SORBS2: variants seen among roughly 807,000 people sequenced by gnomAD.
The protein encoded by SORBS2 is sorbin and SH3 domain containing 2.
Under a neutral mutation model 97.7 loss-of-function variants are expected in SORBS2, and 46 were observed. The ratio of observed to expected loss-of-function variants is 0.47; its 90% CI spans 0.37 to 0.60. SORBS2 has a LOEUF of 0.60. Ranked by LOEUF, SORBS2 falls within the 20% of genes least tolerant of loss-of-function variation. The pLI, the probability that SORBS2 is intolerant of heterozygous loss-of-function variation, is 0.00. For synonymous variants in SORBS2, 476 were observed against 473.4 expected (o/e 1.01, Z -0.07); for missense variants, 1,316 against 1,282.3 (o/e 1.03, Z -0.40).
intron 2 of SORBS2, among the ~76,000 whole-genome samples, chr4:185,742,085 G>C (rs1226353666): frequency 6.6e-6 from 1 of 152,142 alleles, no homozygotes. Context: ...TGTCTCTCTG[G>C]CTTGTTTTCT....
chr4:185,876,078 A>G (rs748215414), intron 1 of SORBS2, among the ~76,000 whole-genome samples: 39 of 152,034 alleles, frequency 2.6e-4, no homozygotes, highest in Non-Finnish European at 4.7e-4. Context: ...CTATTGCAGA[A>G]TACTAGAAGA....
At position 185,666,241 on chromosome 4, in the gene SORBS2, A is replaced by T. The variant is rs889176023; in HGVS notation, c.-45-3999T>A. On this transcript the variant is annotated intron_variant, in intron 4 of 20. Coordinates refer to the SORBS2 transcript ENST00000284776. ...AGGAAAAAATAATAAGAGATAAATTATCCAATTAACAAAAGTACCTCTTTT... is the reference window on the plus strand; with the variant it reads ...AGGAAAAAATAATAAGAGATAAATTTTCCAATTAACAAAAGTACCTCTTTT... 5 of 1,107,682 alleles carry T rather than the reference A, an allele frequency of 4.5e-6. No individual in the cohort carries two copies. In the African/African-American group the frequency reaches 8.1e-5, roughly 18 times the overall value. 68.6% of individuals were successfully genotyped at this position (1,107,682 alleles called of 1,614,324 possible).
At chr4:185,617,059 AT>A (rs1364888496) in intron 9 of SORBS2, among the ~76,000 whole-genome samples, 1 of 152,146 alleles carries the variant, frequency 6.6e-6, no homozygotes, top group East Asian at 1.9e-4. Context: ...GCTTTTTAAA[AT>A]TAAGACTTCT....
upstream of SORBS2, among the ~76,000 whole-genome samples, chr4:185,659,666 C>A (rs1463329697): frequency 1.3e-5 from 2 of 152,116 alleles, no homozygotes; most frequent in Non-Finnish European, 2.9e-5. Flanking sequence ...CGTGATCCAC[C>A]CGCCTCGGCC....
At chr4:185,634,065 C>T (rs1011650322) in intron 4 of SORBS2, among the ~76,000 whole-genome samples, 1 of 152,026 alleles carries the variant, frequency 6.6e-6, no homozygotes. Context: ...AAAATGTAAG[C>T]CTTTAGAAAT....
chr4:185,658,935 T>C (rs1048486314), upstream of SORBS2, among the ~76,000 whole-genome samples: 2 of 152,092 alleles, frequency 1.3e-5, no homozygotes, highest in Non-Finnish European at 2.9e-5. Flanking sequence ...CCTGATCTCC[T>C]GACCTCATGA....
intron 2 of SORBS2, among the ~76,000 whole-genome samples, chr4:185,742,293 C>A (rs2098732297): frequency 6.6e-6 from 1 of 152,218 alleles, no homozygotes; most frequent in Non-Finnish European, 1.5e-5. Flanking sequence ...TAAACATATG[C>A]ACCCAGGAGC....
intron 2 of SORBS2, among the ~76,000 whole-genome samples, chr4:185,751,895 G>A (rs142894767): frequency 7.9e-5 from 12 of 152,310 alleles, no homozygotes; most frequent in African/African-American, 2.9e-4. Context: ...ATCTAGGATA[G>A]TGGTGCTCAA....
At chr4:185,587,041 G>A (rs1274866968) in exon 15 of SORBS2, 1 of 152,584 alleles carries the variant, frequency 6.6e-6, no homozygotes, top group Non-Finnish European at 1.5e-5. Flanking sequence ...GCCTCCTCTT[G>A]CTTTAAAGGT....
rs908062501 is a variant in SORBS2 at position 185,606,603 on chromosome 4, T to A, written c.2796+5177A>T. On this transcript the variant is annotated intron_variant, in intron 12 of 14. Transcript: ENST00000418609. The surrounding 1 kb of genome is among the most constrained non-coding windows in gnomAD (Gnocchi z 4.3). ...AAAATACCTCATTACTGGGTTTTGC[T>A]GCATTGCTGTCCTCCTTGGGGGTCC... 9.5e-5 allele frequency: 94 copies of A among 985,292 alleles called. No individual in the cohort carries two copies. The highest frequency in any genetic ancestry group is 1.0e-4 in the Non-Finnish European group (84 of 829,924). The allele number at this position is 985,292 out of a possible 1,614,324, so 61.0% of individuals were successfully genotyped here. A position where few individuals can be genotyped will look rare whatever the true frequency, so the allele number is the denominator to read the frequency against.
intron 1 of SORBS2, among the ~76,000 whole-genome samples, chr4:185,856,081 A>G (rs534011040): frequency 2.6e-5 from 4 of 152,334 alleles, no homozygotes; most frequent in East Asian, 3.9e-4. Context: ...TATGATTCAA[A>G]CAAACACAGG....
At chr4:185,603,521 T>A (rs2096325039) in intron 12 of SORBS2, among the ~76,000 whole-genome samples, 1 of 152,208 alleles carries the variant, frequency 6.6e-6, no homozygotes, top group Non-Finnish European at 1.5e-5. Flanking sequence ...TGAGATTGTA[T>A]AAATGGCACT....
intron 1 of SORBS2, among the ~76,000 whole-genome samples, chr4:185,654,424 A>G (rs2097362906): frequency 6.6e-6 from 1 of 152,230 alleles, no homozygotes; most frequent in South Asian, 2.1e-4. Flanking sequence ...GCAACAAGGA[A>G]GCCTACTAAG....
At chr4:185,735,401 C>T (rs2098677595) in intron 2 of SORBS2, among the ~76,000 whole-genome samples, 1 of 138,962 alleles carries the variant, frequency 7.2e-6, no homozygotes, top group South Asian at 2.3e-4. Context: ...TGCTTCTTGG[C>T]AGAATATTAT....
chr4:185,622,047 G>T (rs2096727876), intron 7 of SORBS2, among the ~76,000 whole-genome samples: 1 of 152,186 alleles, frequency 6.6e-6, no homozygotes, highest in Non-Finnish European at 1.5e-5. Flanking sequence ...GAACAGATGT[G>T]CTGTAAGAAT....
chr4:185,946,439 C>T (rs957698435), intron 1 of SORBS2, among the ~76,000 whole-genome samples: 1 of 152,156 alleles, frequency 6.6e-6, no homozygotes, highest in Non-Finnish European at 1.5e-5. Context: ...GTAAGTTTAG[C>T]ATCTGTAAGA....
At chr4:185,899,079 G>C (rs1476608506) in intron 1 of SORBS2, among the ~76,000 whole-genome samples, 2 of 152,148 alleles carry the variant, frequency 1.3e-5, no homozygotes, top group Admixed American at 1.3e-4. Flanking sequence ...AGAGCAGCCT[G>C]ATCTGGAACA....
Position 185,701,352 on chromosome 4 carries a change from C to T in SORBS2, c.-197-22530G>A, listed in dbSNP as rs150570219. On this transcript the variant is annotated intron_variant, in intron 2 of 20. Transcript: ENST00000284776. ...ACAGATCCAACCTGGGCCTCTTGTTCGCATCGACTCTACCCTGGGACTCAG... is the reference window on the plus strand; with the variant it reads ...ACAGATCCAACCTGGGCCTCTTGTTTGCATCGACTCTACCCTGGGACTCAG... 1.1e-3 allele frequency among the ~76,000 whole-genome samples: 172 copies of T among 152,298 alleles called. 1 individual carries two copies. Among genetic ancestry groups the T allele is most frequent in the African/African-American group, 3.7e-3 (155 of 41,554 alleles).
At chr4:185,725,927 G>GT (rs535093857) in intron 2 of SORBS2, among the ~76,000 whole-genome samples, 31 of 151,282 alleles carry the variant, frequency 2.0e-4, no homozygotes, top group African/African-American at 4.6e-4. Context: ...TTCCTTCTCA[G>GT]TTTTTTTTTG....
Sources: gnomAD v4.1 joint callset for allele counts (sites outside exome capture counted in the v4.1 genomes callset) on GRCh38, gnomAD v4.1.1 for gene constraint, Gnocchi (gnomAD v3.1) non-coding constraint, MANE v1.5 for transcripts, NCBI Gene and HGNC (gene_info 2026-07-23, HGNC 2026-07-21) for gene names.